BZW2: variants seen among roughly 807,000 people sequenced by gnomAD.
BZW2 encodes the protein basic leucine zipper and W2 domains 2.
A neutral mutation model predicts 53.2 loss-of-function variants in BZW2; 23 were observed. The ratio of observed to expected loss-of-function variants is 0.43; its 90% CI spans 0.31 to 0.61. The LOEUF is 0.61. BZW2 is among the 20% of genes least tolerant of loss of function. The pLI is 0.09. For synonymous variants in BZW2, 227 were observed against 186.4 expected, an observed-to-expected ratio of 1.22 and a Z score of -1.77; for missense variants, 409 against 503.1, an observed-to-expected ratio of 0.81 and a Z score of 1.79.
At chr7:16,676,008 A>C (rs1202728563) in intron 3 of BZW2, among the ~76,000 whole-genome samples, 1 of 151,732 alleles carries the variant, frequency 6.6e-6, no homozygotes, top group African/African-American at 2.4e-5. Flanking sequence ...TTGAACCTAG[A>C]AGGCAGAGGT....
intron 10 of BZW2, among the ~76,000 whole-genome samples, chr7:16,699,704 A>T (rs1783610153): frequency 6.6e-6 from 1 of 152,146 alleles, no homozygotes; most frequent in East Asian, 1.9e-4. Flanking sequence ...AGAATCAGCA[A>T]ACCCATTGTT....
intron 6 of BZW2, 196 bp downstream of exon 6, chr7:16,686,236 G>GA (rs1357970152): frequency 4.1e-5 from 31 of 748,928 alleles, no homozygotes; most frequent in Non-Finnish European, 6.2e-5. Context: ...AAGTTTGAAG[G>GA]AAAAAATATG....
At chr7:16,666,251 C>T (rs780453916) in intron 2 of BZW2, among the ~76,000 whole-genome samples, 1 of 151,266 alleles carries the variant, frequency 6.6e-6, no homozygotes, top group Non-Finnish European at 1.5e-5. Context: ...CACACCACCA[C>T]ACCTGGCTAC....
intron 11 of BZW2, among the ~76,000 whole-genome samples, chr7:16,705,324 C>A (rs375500560): frequency 6.6e-6 from 1 of 151,324 alleles, no homozygotes; most frequent in Admixed American, 6.6e-5. Context: ...CGCCACTGCA[C>A]GCCAGCCTGG....
At chr7:16,686,265 T>C in intron 6 of BZW2, 3 of 556,664 alleles carry the variant, frequency 5.4e-6, no homozygotes, top group Non-Finnish European at 8.9e-6. Flanking sequence ...TACAAAGACA[T>C]ATTAAGAAAG....
intron 7 of BZW2, among the ~76,000 whole-genome samples, chr7:16,691,257 A>C (rs886469927): frequency 1.3e-5 from 2 of 152,220 alleles, no homozygotes; most frequent in African/African-American, 4.8e-5. Context: ...AGTAGAGAAC[A>C]GGATAGAAAA....
chr7:16,703,624 T>C (rs1431422287), intron 10 of BZW2, among the ~76,000 whole-genome samples: 1 of 152,232 alleles, frequency 6.6e-6, no homozygotes, highest in Non-Finnish European at 1.5e-5. Flanking sequence ...ACCTGTTTTC[T>C]GTCTCGTTTC....
intron 1 of BZW2, among the ~76,000 whole-genome samples, chr7:16,663,404 C>A (rs1760193523): frequency 6.6e-6 from 1 of 152,030 alleles, no homozygotes; most frequent in East Asian, 1.9e-4. Context: ...ATAGGGTTGG[C>A]AAAAATTATT....
intron 3 of BZW2, among the ~76,000 whole-genome samples, chr7:16,678,312 T>G (rs1287734702): frequency 6.6e-6 from 1 of 151,964 alleles, no homozygotes; most frequent in African/African-American, 2.4e-5. Flanking sequence ...CCCAAAGTGC[T>G]GGGATTACAA....
At chr7:16,649,418 A>G (rs149021109) in intron 1 of BZW2, among the ~76,000 whole-genome samples, 49 of 152,332 alleles carry the variant, frequency 3.2e-4, no homozygotes, top group Admixed American at 9.1e-4. Flanking sequence ...AGAGGCAGAA[A>G]GTCTTTAAAT....
At chr7:16,689,186 A>G (rs1185740861) in intron 6 of BZW2, among the ~76,000 whole-genome samples, 2 of 152,212 alleles carry the variant, frequency 1.3e-5, no homozygotes, top group African/African-American at 4.8e-5. Context: ...AGATCGTGCT[A>G]CTTCACTCCA....
intron 7 of BZW2, among the ~76,000 whole-genome samples, chr7:16,690,901 T>A (rs1272960271): frequency 2.0e-5 from 3 of 152,180 alleles, no homozygotes; most frequent in Non-Finnish European, 4.4e-5. Context: ...GGATGAAGTG[T>A]AAAAATAAGA....
chr7:16,659,121 A>G (rs966302702), intron 1 of BZW2, among the ~76,000 whole-genome samples: 1 of 151,966 alleles, frequency 6.6e-6, no homozygotes, highest in African/African-American at 2.4e-5. Context: ...TAAAAAAAGT[A>G]TATTCTCCTC....
At chr7:16,666,389 T>TTTATTTATTTATTTA (rs1782427832) in intron 2 of BZW2, among the ~76,000 whole-genome samples, 1 of 145,926 alleles carries the variant, frequency 6.9e-6, no homozygotes, top group Non-Finnish European at 1.5e-5. Context: ...TATAAAAGAC[T>TTTATTTATTTATTTA]TTTATTTATT....
chr7:16,669,740 T>G (rs1782542576), intron 2 of BZW2, among the ~76,000 whole-genome samples: 1 of 152,200 alleles, frequency 6.6e-6, no homozygotes, highest in Admixed American at 6.5e-5. Context: ...GTGTCAGAAT[T>G]AGGCCCATTT....
intron 1 of BZW2, among the ~76,000 whole-genome samples, 175 bp downstream of exon 1, chr7:16,646,463 G>A (rs946612780): frequency 6.6e-5 from 10 of 152,046 alleles, no homozygotes; most frequent in Non-Finnish European, 1.5e-4. Context: ...ATCACGGCGC[G>A]TACGGGGTAT....
chr7:16,666,106 T>A (rs545928509), intron 2 of BZW2, among the ~76,000 whole-genome samples: 1 of 152,190 alleles, frequency 6.6e-6, no homozygotes, highest in African/African-American at 2.4e-5. Flanking sequence ...TTTTATATAT[T>A]TTTTTAGAGA....
At chr7:16,660,078 C>T (rs1046994594) in intron 1 of BZW2, among the ~76,000 whole-genome samples, 15 of 150,732 alleles carry the variant, frequency 1.0e-4, no homozygotes, top group Admixed American at 1.3e-4. Context: ...TGAGAACATG[C>T]GGTGTTTGGT....
chr7:16,657,461 A>G (rs1002613284), intron 1 of BZW2, among the ~76,000 whole-genome samples: 3 of 152,174 alleles, frequency 2.0e-5, no homozygotes, highest in Non-Finnish European at 1.5e-5. Context: ...CATTGATGCA[A>G]TATCCTAAAG....
Sources: allele counts gnomAD v4.1 joint callset (sites outside exome capture counted in the v4.1 genomes callset), GRCh38; gene constraint gnomAD v4.1.1; transcripts MANE v1.5; gene names NCBI Gene and HGNC (gene_info 2026-07-23, HGNC 2026-07-21).